The following POLR3G variants were observed in gnomAD, a reference collection of about 807,000 sequenced individuals.
POLR3G encodes DNA-directed RNA polymerase III subunit RPC7.
In POLR3G, 28 loss-of-function variants were observed where a neutral mutation model predicts 30.1. The observed-to-expected ratio is 0.93, with a 90% CI of 0.69 to 1.27. The LOEUF is 1.27. POLR3G is among the 50% of genes most tolerant of loss of function. The pLI is 0.00. For missense variants in POLR3G, 254 were observed against 264.6 expected, an observed-to-expected ratio of 0.96 and a Z score of 0.28; for synonymous variants, 79 against 82.5, an observed-to-expected ratio of 0.96 and a Z score of 0.23.
At chr5:90,476,886 T>C (rs1750852860) in intron 1 of POLR3G, among the ~76,000 whole-genome samples, 1 of 152,214 alleles carries the variant, frequency 6.6e-6, no homozygotes, top group Non-Finnish European at 1.5e-5. Context: ...CTGTCTTTAT[T>C]TTTCTTATCA....
At chr5:90,473,948 C>A (rs768803835), upstream of POLR3G, 2 of 1,603,314 alleles carry the variant, frequency 1.2e-6, no homozygotes, top group South Asian at 2.2e-5. Context: ...AGGTCACGGT[C>A]TCAAAGTTGT....
At chr5:90,506,064 G>C (rs1428324732) in intron 6 of POLR3G, among the ~76,000 whole-genome samples, 1 of 151,820 alleles carries the variant, frequency 6.6e-6, no homozygotes, top group Non-Finnish European at 1.5e-5. Flanking sequence ...GAGAAACCCT[G>C]TCTCTACTAA....
chr5:90,474,246 A>T (rs773894351), upstream of POLR3G: 2 of 1,613,630 alleles, frequency 1.2e-6, no homozygotes, highest in Non-Finnish European at 1.7e-6. Context: ...AATCCAGAAG[A>T]TACCATCGCC....
At position 90,502,006 on chromosome 5, in the gene POLR3G, C is replaced by A. The variant is rs779375352; in HGVS notation, c.438+18C>A. On this transcript the variant is annotated intron_variant, in intron 6 of 7. Coordinates refer to ENST00000651687, the MANE Select transcript of POLR3G (RefSeq NM_006467.3). The stretch of plus-strand genomic sequence containing the variant: ...AAATGGAGGTAAGGTTTTCTTCTTA[C>A]TATACAAGTGAACTGAAAAAATGTA... 2 of 1,607,512 alleles carry A rather than the reference C, an allele frequency of 1.2e-6. No individual in the cohort carries two copies. The highest frequency in any genetic ancestry group is 1.3e-5 in the African/African-American group (1 of 74,478).
chr5:90,474,169 C>T, upstream of POLR3G: 1 of 1,602,608 alleles, frequency 6.2e-7, no homozygotes, highest in African/African-American at 1.3e-5. Context: ...TCGATCACCA[C>T]GTCCTGCTCG....
intron 5 of POLR3G, among the ~76,000 whole-genome samples, chr5:90,500,452 T>A (rs1377613773): frequency 2.0e-5 from 3 of 152,190 alleles, no homozygotes; most frequent in Non-Finnish European, 4.4e-5. Flanking sequence ...TGATAAAAAG[T>A]TCTTAGAAAA....
rs1048553994 is a variant in POLR3G at position 90,506,381 on chromosome 5, T to C, written c.439-147T>C. Reference sequence around the variant, plus strand: ...ACAGTAAATTCCTTCTTTCTTGAGTTGACTCATAGTTTCCTAGGTGGTAGC... The same window carrying C: ...ACAGTAAATTCCTTCTTTCTTGAGTCGACTCATAGTTTCCTAGGTGGTAGC... On this transcript the variant is annotated intron_variant, in intron 6 of 7. Coordinates refer to ENST00000651687, the MANE Select transcript of POLR3G (RefSeq NM_006467.3). 22 of 1,096,942 alleles carry C rather than the reference T, an allele frequency of 2.0e-5. No individual in the cohort carries two copies. The African/African-American group carries it at 3.1e-4, about 16-fold the overall frequency. 68.0% of individuals were successfully genotyped at this position (1,096,942 alleles called of 1,614,324 possible). A position where few individuals can be genotyped will look rare whatever the true frequency, so the allele number is the denominator to read the frequency against.
chr5:90,506,968 A>T (rs1752518488), intron 7 of POLR3G, among the ~76,000 whole-genome samples: 2 of 152,226 alleles, frequency 1.3e-5, no homozygotes, highest in Non-Finnish European at 2.9e-5. Flanking sequence ...AGTGCAGTTA[A>T]GATTTAACAA....
chr5:90,473,961 C>G, upstream of POLR3G: 1 of 1,600,532 alleles, frequency 6.2e-7, no homozygotes, highest in Non-Finnish European at 8.5e-7. Flanking sequence ...AAAGTTGTCC[C>G]CGCGAGCCAG....
intron 4 of POLR3G, 76 bp downstream of exon 4, chr5:90,495,809 A>T: frequency 6.7e-7 from 1 of 1,485,294 alleles, no homozygotes; most frequent in Non-Finnish European, 8.9e-7. Flanking sequence ...TTTTAGAATA[A>T]GTTTTCTATT....
At chr5:90,474,738 T>C (rs148467348), upstream of POLR3G, 215 of 189,814 alleles carry the variant, frequency 1.1e-3, no homozygotes, top group African/African-American at 4.7e-3. Flanking sequence ...CACTCCCAGC[T>C]GGCGCAGAAA....
At chr5:90,483,089 G>A (rs1751227246) in intron 1 of POLR3G, among the ~76,000 whole-genome samples, 1 of 146,418 alleles carries the variant, frequency 6.8e-6, no homozygotes, top group Non-Finnish European at 1.5e-5. Flanking sequence ...GCAGTCAGCG[G>A]AGACCATGCC....
intron 1 of POLR3G, among the ~76,000 whole-genome samples, chr5:90,482,049 C>T (rs1004292453): frequency 7.9e-5 from 12 of 151,872 alleles, no homozygotes; most frequent in Non-Finnish European, 1.3e-4. Flanking sequence ...ATTAGTAAAC[C>T]AAAAAAGGCA....
At position 90,485,714 on chromosome 5, in the gene POLR3G, G is replaced by C. The variant is rs114118124; in HGVS notation, c.117+30G>C. On this transcript the variant is annotated intron_variant, in intron 2 of 7. Coordinates refer to ENST00000651687, the MANE Select transcript of POLR3G (RefSeq NM_006467.3). ...GTATATGAACAGTTGAATTCTCATA[G>C]TGTGTTTTTTCATTTTTCAGAGAAT... is the stretch of plus-strand genomic sequence containing the variant. 1.8e-3 allele frequency: 2,676 copies of C among 1,500,638 alleles called. 45 individuals carry two copies. In the African/African-American group the frequency reaches 0.033, roughly 18 times the overall value. The allele number at this position is 1,500,638 out of a possible 1,614,324, so 93.0% of individuals were successfully genotyped here. A position where few individuals can be genotyped will look rare whatever the true frequency, so the allele number is the denominator to read the frequency against.
intron 7 of POLR3G, 71 bp from the exon 8 acceptor site, chr5:90,511,980 CTT>C: frequency 9.7e-7 from 1 of 1,030,956 alleles, no homozygotes; most frequent in South Asian, 1.4e-5. Flanking sequence ...AAAGCAGAGA[CTT>C]TTAGGCCTGG....
intron 3 of POLR3G, 149 bp downstream of exon 3, chr5:90,488,278 CAG>C (rs1297294899): frequency 5.4e-5 from 30 of 554,340 alleles, no homozygotes; most frequent in African/African-American, 4.7e-4. Context: ...GTTGCTTTAA[CAG>C]AAAAAATACT....
intron 3 of POLR3G, chr5:90,490,571 ATT>A (rs10686849): frequency 9.7e-3 from 3,006 of 309,314 alleles, no homozygotes; most frequent in South Asian, 0.015. Flanking sequence ...CTAACTTTTA[ATT>A]TTTTTTTTTT....
At position 90,488,169 on chromosome 5, in the gene POLR3G, A is replaced by G. The variant is rs368154535; in HGVS notation, c.247+40A>G. Reference sequence around the variant, plus strand: ...TCTTTGATTATGTGGCTTAATGTATACAGATGAAACAGTGTTTAAGCACAA... The same window carrying G: ...TCTTTGATTATGTGGCTTAATGTATGCAGATGAAACAGTGTTTAAGCACAA... On this transcript the variant is annotated intron_variant, in intron 3 of 7. Transcript: ENST00000651687. 394 of 1,454,050 alleles carry G rather than the reference A, an allele frequency of 2.7e-4. No individual in the cohort carries two copies. Among genetic ancestry groups the G allele is most frequent in the Non-Finnish European group, 3.4e-4 (377 of 1,098,386 alleles). 90.1% of individuals were successfully genotyped at this position (1,454,050 alleles called of 1,614,324 possible).
At chr5:90,510,995 C>T (rs1752714775) in intron 7 of POLR3G, among the ~76,000 whole-genome samples, 1 of 151,964 alleles carries the variant, frequency 6.6e-6, no homozygotes, top group Non-Finnish European at 1.5e-5. Context: ...TAGCAGATCT[C>T]AATCATGTGC....
Sources: gnomAD v4.1 joint callset for allele counts (sites outside exome capture counted in the v4.1 genomes callset) on GRCh38, gnomAD v4.1.1 for gene constraint, MANE v1.5 for transcripts, NCBI Gene and HGNC (gene_info 2026-07-23, HGNC 2026-07-21) for gene names.